The following GABRG3 variants were observed in gnomAD, a reference collection of about 807,000 sequenced individuals.
The protein encoded by GABRG3 is gamma-aminobutyric acid receptor subunit gamma-3.
GABRG3 carries 25 observed loss-of-function variants against 48.8 expected under a neutral mutation model. That is an observed-to-expected ratio of 0.51 (90% CI 0.37 to 0.72). The LOEUF (loss-of-function observed/expected upper bound fraction) is 0.72. GABRG3 is among the 30% of genes least tolerant of loss of function. The probability of loss-of-function intolerance (pLI) is 0.00; values close to 1 mark genes in which losing one functional copy is unlikely to be tolerated. For synonymous variants in GABRG3, 227 were observed against 217.6 expected (o/e 1.04, Z -0.38); for missense variants, 394 against 577.9 (o/e 0.68, Z 3.26).
At chr15:27,364,372 G>C (rs1053072738) in intron 5 of GABRG3, 2 of 152,548 alleles carry the variant, frequency 1.3e-5, no homozygotes, top group African/African-American at 4.8e-5. Context: ...ATGACTCCGG[G>C]CTGGACTCTG....
chr15:27,036,604 C>T (rs888128075), intron 3 of GABRG3, among the ~76,000 whole-genome samples: 3 of 152,074 alleles, frequency 2.0e-5, no homozygotes, highest in African/African-American at 7.2e-5. Context: ...GCAGGAGAAT[C>T]GCTTGAACCT....
intron 3 of GABRG3, among the ~76,000 whole-genome samples, chr15:27,170,897 T>C (rs1887545112): frequency 1.3e-5 from 2 of 152,224 alleles, no homozygotes; most frequent in African/African-American, 2.4e-5. Context: ...CGTCCCCAAA[T>C]AGATTTTGAA....
At chr15:26,985,640 C>G (rs537479325) in intron 2 of GABRG3, among the ~76,000 whole-genome samples, 1 of 152,088 alleles carries the variant, frequency 6.6e-6, no homozygotes, top group East Asian at 1.9e-4. Context: ...GGAAAGCAGA[C>G]GAAGCCCCCC....
intron 2 of GABRG3, among the ~76,000 whole-genome samples, chr15:27,014,275 A>G (rs1302406145): frequency 6.9e-6 from 1 of 145,208 alleles, no homozygotes; most frequent in Non-Finnish European, 1.5e-5. Context: ...TTTTGTTTCT[A>G]TTTTCTATTT....
At chr15:27,243,780 C>A (rs193266993) in intron 3 of GABRG3, among the ~76,000 whole-genome samples, 1 of 152,262 alleles carries the variant, frequency 6.6e-6, no homozygotes, top group East Asian at 1.9e-4. Context: ...CCTTAAAATG[C>A]ATCTTCTTAA....
chr15:27,440,654 C>T (rs1051713573), intron 5 of GABRG3, among the ~76,000 whole-genome samples: 3 of 152,200 alleles, frequency 2.0e-5, no homozygotes, highest in East Asian at 1.9e-4. Flanking sequence ...TCACCTAATC[C>T]TTGTATCACA....
rs191654622 is a variant in GABRG3 at position 27,355,147 on chromosome 15, A to C, written c.574+26259A>C. 4.8e-4 allele frequency among the ~76,000 whole-genome samples: 73 copies of C among 152,270 alleles called. 3 individuals carry two copies. Among genetic ancestry groups the C allele is most frequent in the Admixed American group, 4.3e-3 (65 of 15,292 alleles). ...CACCTGCTTATCTCTTAGACTGTTC[A>C]TGTCTCAATATGTACCACCAGATGA... On this transcript the variant is annotated intron_variant, in intron 5 of 9. Transcript: ENST00000615808.
At chr15:27,300,751 A>G (rs942525797) in intron 3 of GABRG3, among the ~76,000 whole-genome samples, 1 of 151,994 alleles carries the variant, frequency 6.6e-6, no homozygotes, top group African/African-American at 2.4e-5. Context: ...CAGCAAAGAA[A>G]TTGAGATTAA....
chr15:27,030,884 A>G (rs536338972), intron 3 of GABRG3, among the ~76,000 whole-genome samples: 1 of 152,310 alleles, frequency 6.6e-6, no homozygotes, highest in Non-Finnish European at 1.5e-5. Flanking sequence ...GACACACAGC[A>G]GCTGTACATA....
intron 5 of GABRG3, among the ~76,000 whole-genome samples, chr15:27,394,755 C>T (rs1887249581): frequency 6.6e-6 from 1 of 152,132 alleles, no homozygotes; most frequent in Non-Finnish European, 1.5e-5. Context: ...TTTCTTATGA[C>T]AGTGTTAAAT....
chr15:27,530,553 T>C (rs112590850), intron 9 of GABRG3: 5,767 of 464,548 alleles, frequency 0.012, 294 homozygotes, highest in African/African-American at 0.1. Context: ...ATTGTAAATA[T>C]GATATCCAGG....
chr15:27,488,454 T>G (rs2150848069), intron 6 of GABRG3, among the ~76,000 whole-genome samples: 1 of 152,326 alleles, frequency 6.6e-6, no homozygotes, highest in Non-Finnish European at 1.5e-5. Context: ...GGATGCATTG[T>G]CTTACTTCTG....
intron 5 of GABRG3, among the ~76,000 whole-genome samples, chr15:27,387,880 A>G (rs866774760): frequency 3.5e-4 from 9 of 25,754 alleles, no homozygotes; most frequent in East Asian, 1.4e-3. Flanking sequence ...GGAGGGAGGG[A>G]GGGGAAGGAG....
chr15:27,343,981 A>AT (rs201663200), intron 5 of GABRG3, among the ~76,000 whole-genome samples: 2,965 of 152,202 alleles, frequency 0.019, 102 homozygotes, highest in African/African-American at 0.068. Flanking sequence ...AAGTTTATGC[A>AT]TTTTCACCCC....
chr15:26,980,299 A>G (rs1895029198), intron 2 of GABRG3, among the ~76,000 whole-genome samples: 1 of 152,034 alleles, frequency 6.6e-6, no homozygotes, highest in South Asian at 2.1e-4. Context: ...GTTCCCAATT[A>G]CATCAATTTT....
intron 3 of GABRG3, among the ~76,000 whole-genome samples, chr15:27,108,214 G>A (rs988741149): frequency 6.6e-6 from 1 of 151,914 alleles, no homozygotes; most frequent in Non-Finnish European, 1.5e-5. Context: ...TCTCAGCACT[G>A]CTTTAATTTT....
intron 3 of GABRG3, among the ~76,000 whole-genome samples, chr15:27,220,245 G>C (rs867190744): frequency 2.4e-4 from 36 of 152,332 alleles, no homozygotes; most frequent in African/African-American, 7.2e-4. Flanking sequence ...CTTGAAGTGG[G>C]AGTTTATAGG....
chr15:27,300,829 C>T (rs544118533), intron 3 of GABRG3, among the ~76,000 whole-genome samples: 6 of 150,382 alleles, frequency 4.0e-5, no homozygotes, highest in African/African-American at 1.2e-4. Context: ...ATGCTGGGCA[C>T]GGTGGCTCAC....
chr15:27,498,223 GT>G (rs1188594633), intron 6 of GABRG3, among the ~76,000 whole-genome samples: 1 of 151,588 alleles, frequency 6.6e-6, no homozygotes, highest in Non-Finnish European at 1.5e-5. Flanking sequence ...TGGAGTGTCT[GT>G]TCCTTTCTTC....
Sources: allele counts gnomAD v4.1 joint callset (sites outside exome capture counted in the v4.1 genomes callset), GRCh38; gene constraint gnomAD v4.1.1; transcripts MANE v1.5; gene names NCBI Gene and HGNC (gene_info 2026-07-23, HGNC 2026-07-21).